The following GABRB1 variants were observed in gnomAD, a reference collection of about 807,000 sequenced individuals.
The protein encoded by GABRB1 is gamma-aminobutyric acid receptor subunit beta-1.
Under a neutral mutation model 51.6 loss-of-function variants are expected in GABRB1, and 17 were observed. The ratio of observed to expected loss-of-function variants is 0.33; its 90% CI spans 0.23 to 0.49. The LOEUF (loss-of-function observed/expected upper bound fraction) is 0.49. GABRB1 is among the 20% of genes least tolerant of loss of function. The probability of loss-of-function intolerance (pLI) is 0.99; values close to 1 mark genes in which losing one functional copy is unlikely to be tolerated. For synonymous variants in GABRB1, 247 were observed against 218.9 expected (o/e 1.13, Z -1.14); for missense variants, 410 against 600.6 (o/e 0.68, Z 3.32).
intron 4 of GABRB1, among the ~76,000 whole-genome samples, chr4:47,203,777 GC>G (rs1485978294): frequency 1.3e-5 from 2 of 151,924 alleles, no homozygotes; most frequent in African/African-American, 4.8e-5. Flanking sequence ...CATCACAGCT[GC>G]CCCCTCAGAG....
chr4:47,202,868 T>C (rs965002375), intron 4 of GABRB1, among the ~76,000 whole-genome samples: 1 of 152,106 alleles, frequency 6.6e-6, no homozygotes, highest in Non-Finnish European at 1.5e-5. Flanking sequence ...CCTGTTCAGG[T>C]GTCACAGTCA....
chr4:47,231,575 T>C (rs1459534160), intron 4 of GABRB1, among the ~76,000 whole-genome samples: 1 of 152,194 alleles, frequency 6.6e-6, no homozygotes, highest in Non-Finnish European at 1.5e-5. Flanking sequence ...CTTTTTATTA[T>C]TGGACAATAA....
At chr4:47,233,328 C>T (rs1721212036) in intron 4 of GABRB1, among the ~76,000 whole-genome samples, 1 of 152,146 alleles carries the variant, frequency 6.6e-6, no homozygotes, top group South Asian at 2.1e-4. Context: ...GAACCTCATA[C>T]ACTTTCATTA....
chr4:46,996,780 A>G (rs1030089814), intron 1 of GABRB1, among the ~76,000 whole-genome samples: 2 of 152,152 alleles, frequency 1.3e-5, no homozygotes, highest in Non-Finnish European at 2.9e-5. Flanking sequence ...TCAATTTATC[A>G]TATGTCCAAA....
chr4:47,392,638 A>G (rs566058998), intron 5 of GABRB1, among the ~76,000 whole-genome samples: 1 of 151,978 alleles, frequency 6.6e-6, no homozygotes, highest in South Asian at 2.1e-4. Context: ...CACCGTGCCC[A>G]GCCTCTCCCT....
Position 47,390,382 on chromosome 4 carries a change from C to T in GABRB1, c.545-12936C>T, listed in dbSNP as rs187773310. 2.9e-3 allele frequency among the ~76,000 whole-genome samples: 436 copies of T among 152,314 alleles called. 6 individuals carry two copies. The highest frequency in any genetic ancestry group is 7.3e-3 in the Admixed American group (112 of 15,296). On this transcript the variant is annotated intron_variant, in intron 5 of 8. Coordinates refer to ENST00000295454, the MANE Select transcript of GABRB1 (RefSeq NM_000812.4). Reference sequence around the variant, plus strand: ...GTCTGCATTATCTGAAACACATTTACGTACAAGACTAGACCATCCCCCTAG... The same window carrying T: ...GTCTGCATTATCTGAAACACATTTATGTACAAGACTAGACCATCCCCCTAG...
At chr4:47,155,060 G>A (rs1560561856) in intron 3 of GABRB1, among the ~76,000 whole-genome samples, 1 of 152,030 alleles carries the variant, frequency 6.6e-6, no homozygotes, top group Non-Finnish European at 1.5e-5. Flanking sequence ...TTTATTGACT[G>A]CCTGTGAAGC....
chr4:47,412,103 C>T (rs913070090), intron 8 of GABRB1, among the ~76,000 whole-genome samples: 1 of 152,080 alleles, frequency 6.6e-6, no homozygotes, highest in South Asian at 2.1e-4. Flanking sequence ...TTATGGGATC[C>T]TGTGCTTTTC....
At chr4:47,098,566 T>A (rs939019726) in intron 3 of GABRB1, among the ~76,000 whole-genome samples, 11 of 152,280 alleles carry the variant, frequency 7.2e-5, no homozygotes, top group African/African-American at 2.2e-4. Context: ...AAAGCTGTAG[T>A]TGTTTTAAAT....
At chr4:47,042,111 C>T (rs183597989) in intron 3 of GABRB1, among the ~76,000 whole-genome samples, 126 of 152,010 alleles carry the variant, frequency 8.3e-4, no homozygotes, top group African/African-American at 2.9e-3. Context: ...TCTTCATATT[C>T]TCTATTATCA....
intron 8 of GABRB1, among the ~76,000 whole-genome samples, chr4:47,424,027 A>G (rs552466790): frequency 2.6e-5 from 4 of 152,336 alleles, no homozygotes; most frequent in Admixed American, 2.0e-4. Context: ...GGGTAGCCCA[A>G]TTAGACTGAA....
chr4:47,051,233 T>G (rs1008128899), intron 3 of GABRB1, among the ~76,000 whole-genome samples: 22 of 152,168 alleles, frequency 1.4e-4, no homozygotes, highest in African/African-American at 5.3e-4. Flanking sequence ...TAACTGGCCC[T>G]TTGTTTCAGG....
intron 5 of GABRB1, among the ~76,000 whole-genome samples, chr4:47,334,287 A>G (rs966124934): frequency 1.3e-5 from 2 of 152,322 alleles, no homozygotes; most frequent in African/African-American, 4.8e-5. Flanking sequence ...AGCCTGTCTC[A>G]CCTGTCCTCC....
At chr4:47,291,469 G>T (rs1385392670) in intron 4 of GABRB1, among the ~76,000 whole-genome samples, 3 of 152,210 alleles carry the variant, frequency 2.0e-5, no homozygotes, top group Non-Finnish European at 4.4e-5. Flanking sequence ...GCACTGCCTA[G>T]TGAAGCTGTG....
At chr4:47,347,731 G>A (rs935844543) in intron 5 of GABRB1, among the ~76,000 whole-genome samples, 10 of 152,136 alleles carry the variant, frequency 6.6e-5, no homozygotes, top group African/African-American at 9.7e-5. Context: ...AGTTTTTAAC[G>A]TAATTATGAG....
At chr4:47,070,233 A>G (rs895324387) in intron 3 of GABRB1, among the ~76,000 whole-genome samples, 1 of 151,894 alleles carries the variant, frequency 6.6e-6, no homozygotes. Flanking sequence ...ATGTGGTTTC[A>G]CCATATTGGT....
upstream of GABRB1, among the ~76,000 whole-genome samples, chr4:47,026,904 T>C (rs1433591299): frequency 5.3e-5 from 8 of 152,140 alleles, 1 homozygote; most frequent in South Asian, 1.0e-3. Flanking sequence ...CATTAGACTA[T>C]TTGAATTTGA....
chr4:47,037,208 A>G (rs1725616772), intron 3 of GABRB1, among the ~76,000 whole-genome samples: 1 of 152,224 alleles, frequency 6.6e-6, no homozygotes, highest in Non-Finnish European at 1.5e-5. Flanking sequence ...TTTCTTCAGA[A>G]TAAAGAACAT....
chr4:47,224,916 C>CA lies in GABRB1; in HGVS notation c.461+63448dup, dbSNP rs929026971. Among the ~76,000 whole-genome samples, 60 of 151,972 alleles carry CA rather than the reference C, an allele frequency of 3.9e-4. 1 individual carries two copies. Among genetic ancestry groups the CA allele is most frequent in the Admixed American group, 3.6e-3 (55 of 15,246 alleles). On this transcript the variant is annotated intron_variant, in intron 4 of 8. Coordinates refer to ENST00000295454, the MANE Select transcript of GABRB1 (RefSeq NM_000812.4). ...TTGTTTTTGTTTTTTGTTTTTGAGACAGAGTTTCATTCTTGTTGCTCAGGC... is the reference window on the plus strand; with the variant it reads ...TTGTTTTTGTTTTTTGTTTTTGAGACAAGAGTTTCATTCTTGTTGCTCAGGC...
Sources: allele counts gnomAD v4.1 joint callset (sites outside exome capture counted in the v4.1 genomes callset), GRCh38; gene constraint gnomAD v4.1.1; transcripts MANE v1.5; gene names NCBI Gene and HGNC (gene_info 2026-07-23, HGNC 2026-07-21).